Variants in XIRP2 observed in about 807,000 individuals in gnomAD.
The protein encoded by XIRP2 is xin actin binding repeat containing 2, also known as xin actin-binding repeat-containing protein 2.
XIRP2 carries 236 observed loss-of-function variants against 277.0 expected under a neutral mutation model. That is an observed-to-expected ratio of 0.85 (90% confidence interval 0.77 to 0.95). XIRP2 has a LOEUF of 0.95. Ranked by LOEUF, XIRP2 falls within the 40% of genes least tolerant of loss-of-function variation. The pLI is 0.00. For missense variants in XIRP2, 4,640 were observed against 4,157.5 expected (o/e 1.12, Z -3.19); for synonymous variants, 1,490 against 1,416.5 (o/e 1.05, Z -1.17).
chr2:166,937,072 G>T (rs560412315), intron 2 of XIRP2, among the ~76,000 whole-genome samples: 5 of 151,364 alleles, frequency 3.3e-5, no homozygotes, highest in Non-Finnish European at 7.4e-5. Context: ...ATTTGTTTGT[G>T]TCCTGTTTTA....
At chr2:166,918,689 A>G (rs1684954657) in intron 2 of XIRP2, among the ~76,000 whole-genome samples, 2 of 152,156 alleles carry the variant, frequency 1.3e-5, no homozygotes. Flanking sequence ...AGAAAAGAGG[A>G]CATCAATGGG....
chr2:167,247,989 A>G lies in XIRP2; in HGVS notation c.6597A>G (p.Ile2199Met). 4 of 1,612,590 alleles carry G rather than the reference A, an allele frequency of 2.5e-6. No individual in the cohort carries two copies. Among genetic ancestry groups the G allele is most frequent in the Non-Finnish European group, 3.4e-6 (4 of 1,179,448 alleles). ...KQETKYSNKD[I>M]KKKNINLQPM... ...AAACAAAATATTCTAATAAGGATATAAAGAAAAAGAATATAAACCTTCAAC... is the reference window on the plus strand; with the variant it reads ...AAACAAAATATTCTAATAAGGATATGAAGAAAAAGAATATAAACCTTCAAC... The change falls in exon 9 of 11, where the codon ATA becomes ATG. Residue 2199 changes from isoleucine (I) to methionine (M), a missense_variant. Transcript: ENST00000409195.
chr2:167,036,948 T>G (rs1050551905), intron 2 of XIRP2, among the ~76,000 whole-genome samples: 10 of 152,292 alleles, frequency 6.6e-5, no homozygotes, highest in Non-Finnish European at 1.3e-4. Flanking sequence ...GCTGCCACCA[T>G]GTAAGAAGTG....
intron 2 of XIRP2, among the ~76,000 whole-genome samples, chr2:167,009,036 A>T (rs1398993388): frequency 6.6e-6 from 1 of 151,080 alleles, no homozygotes; most frequent in Non-Finnish European, 1.5e-5. Context: ...GCAACTTCCT[A>T]TTGGCAATAT....
chr2:166,977,734 T>C (rs1471696308), intron 2 of XIRP2, among the ~76,000 whole-genome samples: 2 of 152,134 alleles, frequency 1.3e-5, no homozygotes, highest in Non-Finnish European at 2.9e-5. Flanking sequence ...GGGGAATAAG[T>C]GAAGTAAACC....
chr2:167,158,742 T>C (rs557147090), intron 3 of XIRP2, among the ~76,000 whole-genome samples: 1 of 152,222 alleles, frequency 6.6e-6, no homozygotes, highest in African/African-American at 2.4e-5. Flanking sequence ...ATATGACATT[T>C]AACCATGAAA....
chr2:166,925,582 T>TAC, intron 2 of XIRP2, among the ~76,000 whole-genome samples: 2 of 120,918 alleles, frequency 1.7e-5, no homozygotes, highest in Non-Finnish European at 3.3e-5. Flanking sequence ...TATGTGTGTG[T>TAC]GTATGTGTAT....
intron 2 of XIRP2, among the ~76,000 whole-genome samples, chr2:167,013,800 T>C (rs1687747599): frequency 6.6e-6 from 1 of 151,492 alleles, no homozygotes; most frequent in Non-Finnish European, 1.5e-5. Flanking sequence ...TAGCTTTGAA[T>C]TTATGAATGT....
At chr2:166,983,354 T>C (rs1180551553) in intron 2 of XIRP2, among the ~76,000 whole-genome samples, 2 of 152,162 alleles carry the variant, frequency 1.3e-5, no homozygotes, top group Non-Finnish European at 2.9e-5. Context: ...TTTCTTGTCA[T>C]TTATTAAGAT....
Position 167,239,950 on chromosome 2 carries a change from T to G in XIRP2, c.954T>G (p.Val318=). Residue 318 remains valine (V), a synonymous_variant, in exon 6 of 11, where the codon GTT becomes GTG. Coordinates refer to ENST00000409195, the MANE Select transcript of XIRP2 (RefSeq NM_152381.6). ...QEGSKVQKID[V]HGTEMVSHLE... Reference sequence around the variant, plus strand: ...GGTCCAAAGTACAGAAAATTGATGTTCATGGAACAGAAATGGTAACTATTT... The same window carrying G: ...GGTCCAAAGTACAGAAAATTGATGTGCATGGAACAGAAATGGTAACTATTT... 1 of 1,599,118 alleles carries G rather than the reference T, an allele frequency of 6.3e-7. No individual in the cohort carries two copies. The highest frequency in any genetic ancestry group is 8.5e-7 in the Non-Finnish European group (1 of 1,176,252).
rs574779244 is a variant in XIRP2 at position 167,247,337 on chromosome 2, G to A, written c.5945G>A (p.Gly1982Asp). The A allele has an allele frequency of 1.2e-6, 2 of 1,613,720 alleles. No individual in the cohort carries two copies. Among genetic ancestry groups the A allele is most frequent in the African/African-American group, 2.7e-5 (2 of 74,986 alleles). The stretch of plus-strand genomic sequence containing the variant: ...AATAGTCTTCTTCAGCCAAAGCCAG[G>A]TCCATTTGAGCCAGCGGCCAAGTGG... ...NKNSLLQPKPGPFEPAAKWQG... is the reference protein window; with the variant it reads ...NKNSLLQPKPDPFEPAAKWQG... The change falls in exon 9 of 11, where the codon GGT becomes GAT. Residue 1982 changes from glycine to aspartate, a missense_variant. Gly to Asp is a moderately conservative substitution (Grantham distance 94, BLOSUM62 -1). Coordinates refer to ENST00000409195, the MANE Select transcript of XIRP2 (RefSeq NM_152381.6).
chr2:167,018,585 A>G (rs2105481233), intron 2 of XIRP2, among the ~76,000 whole-genome samples: 1 of 152,108 alleles, frequency 6.6e-6, no homozygotes, highest in South Asian at 2.1e-4. Flanking sequence ...CAGACATAGA[A>G]GAGTCCCACA....
intron 1 of XIRP2, among the ~76,000 whole-genome samples, chr2:166,892,900 A>G (rs1486510682): frequency 6.7e-6 from 1 of 148,604 alleles, no homozygotes; most frequent in Admixed American, 6.8e-5. Context: ...ATGTGTATAT[A>G]TGTATATTTA....
intron 2 of XIRP2, among the ~76,000 whole-genome samples, chr2:167,060,267 A>G (rs2105238909): frequency 6.6e-6 from 1 of 152,304 alleles, no homozygotes; most frequent in African/African-American, 2.4e-5. Context: ...TAGGGTATAA[A>G]GAAAAAAGAA....
intron 2 of XIRP2, among the ~76,000 whole-genome samples, chr2:167,107,218 C>T (rs1690640180): frequency 1.3e-5 from 2 of 151,730 alleles, no homozygotes; most frequent in Admixed American, 1.3e-4. Context: ...GCCATAACTT[C>T]CAATACTGAA....
At chr2:167,037,609 T>G (rs1688546317) in intron 2 of XIRP2, among the ~76,000 whole-genome samples, 1 of 151,716 alleles carries the variant, frequency 6.6e-6, no homozygotes, top group African/African-American at 2.4e-5. Context: ...CTGATTTAAA[T>G]CTAATTGAAG....
At position 167,251,282 on chromosome 2, in the gene XIRP2, G is replaced by C; in HGVS notation, c.9890G>C (p.Arg3297Pro). ...AGTTATGATGCAGTTGAAATCATCC[G>C]CAAGGTTGCAGTGCCTCCTCGCCTG... ...TESYDAVEII[R>P]KVAVPPRLSE... The change falls in exon 9 of 11, where the codon CGC (arginine) becomes CCC (proline). Residue 3297 changes from arginine to proline, a missense_variant. Coordinates refer to ENST00000409195, the MANE Select transcript of XIRP2 (RefSeq NM_152381.6). 1 of 1,613,500 alleles carries C rather than the reference G, an allele frequency of 6.2e-7. No homozygotes were observed.
chr2:167,214,131 AAGGAAGC>A (rs1694153036), intron 4 of XIRP2, among the ~76,000 whole-genome samples: 2 of 125,150 alleles, frequency 1.6e-5, no homozygotes, highest in African/African-American at 3.6e-5. Context: ...GGAAGGAAGG[AAGGAAGC>A]AAAGAGAAAG....
intron 2 of XIRP2, among the ~76,000 whole-genome samples, chr2:167,000,512 T>G (rs997742619): frequency 6.8e-6 from 1 of 147,006 alleles, no homozygotes; most frequent in Admixed American, 7.0e-5. Context: ...GGGGTTTTTT[T>G]GTTTTTTTTT....
Sources: allele counts gnomAD v4.1 joint callset (sites outside exome capture counted in the v4.1 genomes callset), GRCh38; gene constraint gnomAD v4.1.1; transcripts MANE v1.5; gene names NCBI Gene and HGNC (gene_info 2026-07-23, HGNC 2026-07-21).